The following TGFA variants were observed in gnomAD, a reference collection of about 807,000 sequenced individuals.
The protein encoded by TGFA is protransforming growth factor alpha.
Under a neutral mutation model 21.7 loss-of-function variants are expected in TGFA, and 12 were observed. The observed-to-expected ratio is 0.55, with a 90% CI of 0.35 to 0.90. The LOEUF is 0.90. Among genes scored for constraint, TGFA ranks in the 40% least tolerant of loss-of-function variants. The pLI is 0.01. For synonymous variants in TGFA, 79 were observed against 88.1 expected (o/e 0.90, Z 0.58); for missense variants, 178 against 210.8 (o/e 0.84, Z 0.96).
intron 2 of TGFA, among the ~76,000 whole-genome samples, chr2:70,508,396 G>T (rs1428743727): frequency 1.3e-5 from 2 of 152,200 alleles, no homozygotes; most frequent in Non-Finnish European, 2.9e-5. Context: ...AGTGAGCCAA[G>T]ATTGCACCAT....
At position 70,553,790 on chromosome 2, in the gene TGFA, G is replaced by A. The variant is rs1553507237; in HGVS notation, c.-23C>T. 1.6e-6 allele frequency: 2 copies of A among 1,271,046 alleles called. No individual in the cohort carries two copies. Among genetic ancestry groups the A allele is most frequent in the Non-Finnish European group, 2.0e-6 (2 of 1,001,646 alleles). The allele number at this position is 1,271,046 out of a possible 1,614,324, so 78.7% of individuals were successfully genotyped here. A position where few individuals can be genotyped will look rare whatever the true frequency, so the allele number is the denominator to read the frequency against. On this transcript the variant is annotated 5_prime_UTR_variant, in exon 1 of 6. Transcript: ENST00000295400. Reference sequence around the variant, plus strand: ...CATTTTACGGGCGGGCGGGCAGCAGGCTCTCCAGCCTCCTGCCCTACCTGC... The same window carrying A: ...CATTTTACGGGCGGGCGGGCAGCAGACTCTCCAGCCTCCTGCCCTACCTGC...
chr2:70,511,796 G>A (rs1553500958), intron 2 of TGFA, among the ~76,000 whole-genome samples: 3 of 152,052 alleles, frequency 2.0e-5, no homozygotes, highest in Admixed American at 2.0e-4. Flanking sequence ...GCTGGGTGAT[G>A]GGTATACAGG....
chr2:70,479,901 G>A (rs1671059206), intron 2 of TGFA, among the ~76,000 whole-genome samples: 1 of 152,204 alleles, frequency 6.6e-6, no homozygotes, highest in East Asian at 1.9e-4. Flanking sequence ...AGAGGCATTA[G>A]TTGAAATTCC....
chr2:70,452,852 A>G (rs913541929), intron 5 of TGFA, among the ~76,000 whole-genome samples: 29 of 152,178 alleles, frequency 1.9e-4, no homozygotes, highest in African/African-American at 6.5e-4. Flanking sequence ...CTGAGGCAGG[A>G]GAATCACTTG....
chr2:70,486,257 C>A (rs1175514996), intron 2 of TGFA, among the ~76,000 whole-genome samples: 1 of 152,172 alleles, frequency 6.6e-6, no homozygotes, highest in East Asian at 1.9e-4. Flanking sequence ...TCCACAGTGG[C>A]CCTTAAGGGA....
At chr2:70,498,118 A>G (rs1487972332) in intron 2 of TGFA, among the ~76,000 whole-genome samples, 2 of 151,352 alleles carry the variant, frequency 1.3e-5, no homozygotes, top group East Asian at 3.9e-4. Flanking sequence ...CTCAGAATCC[A>G]CAGGAAACAG....
chr2:70,456,117 AC>A (rs1171419917), intron 4 of TGFA, among the ~76,000 whole-genome samples: 4 of 151,228 alleles, frequency 2.6e-5, no homozygotes, highest in Admixed American at 2.6e-4. Flanking sequence ...CAGTGCACCA[AC>A]CCCCCAGCTG....
intron 1 of TGFA, among the ~76,000 whole-genome samples, chr2:70,529,422 T>C (rs1192505419): frequency 6.6e-6 from 1 of 152,156 alleles, no homozygotes; most frequent in Non-Finnish European, 1.5e-5. Flanking sequence ...CTCCAACAAA[T>C]AACACAGACA....
intron 2 of TGFA, among the ~76,000 whole-genome samples, chr2:70,507,575 T>C (rs1233049200): frequency 6.6e-6 from 1 of 152,238 alleles, no homozygotes; most frequent in Non-Finnish European, 1.5e-5. Context: ...TTCACTCTAC[T>C]GGATAATAAC....
chr2:70,469,878 C>T (rs1405342900), intron 2 of TGFA, among the ~76,000 whole-genome samples: 4 of 152,204 alleles, frequency 2.6e-5, no homozygotes, highest in East Asian at 1.9e-4. Context: ...TGTTTTGGAA[C>T]ACTTCTCTAA....
chr2:70,485,057 G>A (rs1671228434), intron 2 of TGFA, among the ~76,000 whole-genome samples: 1 of 152,118 alleles, frequency 6.6e-6, no homozygotes, highest in African/African-American at 2.4e-5. Context: ...AAGCCCACAG[G>A]CAGAAACTGA....
At chr2:70,462,853 T>C (rs1553491615) in intron 3 of TGFA, among the ~76,000 whole-genome samples, 1 of 151,936 alleles carries the variant, frequency 6.6e-6, no homozygotes, top group Non-Finnish European at 1.5e-5. Flanking sequence ...CAAATGCGAG[T>C]GTGTCTCAGC....
At chr2:70,475,490 A>G (rs1476506396) in intron 2 of TGFA, among the ~76,000 whole-genome samples, 1 of 152,074 alleles carries the variant, frequency 6.6e-6, no homozygotes, top group Non-Finnish European at 1.5e-5. Flanking sequence ...CCTTTCTAAT[A>G]CAGCACACTG....
At chr2:70,492,314 G>A (rs1186119669) in intron 2 of TGFA, among the ~76,000 whole-genome samples, 1 of 152,190 alleles carries the variant, frequency 6.6e-6, no homozygotes, top group Non-Finnish European at 1.5e-5. Flanking sequence ...GTGGAGCCCA[G>A]AGGAGAGGAC....
intron 1 of TGFA, among the ~76,000 whole-genome samples, chr2:70,525,863 G>T (rs1191813010): frequency 2.0e-5 from 3 of 152,132 alleles, no homozygotes; most frequent in Non-Finnish European, 4.4e-5. Flanking sequence ...GGGCACTACT[G>T]GTACTTAATG....
At chr2:70,468,223 C>T (rs782455943) in intron 2 of TGFA, 1 of 152,216 alleles carries the variant, frequency 6.6e-6, no homozygotes, top group Admixed American at 6.5e-5. Flanking sequence ...CCCCTTTAGC[C>T]CTTAATGACA....
At chr2:70,451,430 G>A (rs1168588272) in intron 5 of TGFA, among the ~76,000 whole-genome samples, 1 of 152,152 alleles carries the variant, frequency 6.6e-6, no homozygotes, top group Admixed American at 6.5e-5. Flanking sequence ...GAGTACCACT[G>A]GTTCACCCAT....
chr2:70,507,299 C>T (rs1194977760), intron 2 of TGFA, among the ~76,000 whole-genome samples: 2 of 152,224 alleles, frequency 1.3e-5, no homozygotes, highest in Admixed American at 6.5e-5. Flanking sequence ...CAGGAAAGCA[C>T]AATGCAAATG....
At chr2:70,553,621 C>T in intron 1 of TGFA, 107 bp downstream of exon 1, 1 of 1,311,708 alleles carries the variant, frequency 7.6e-7, no homozygotes, top group South Asian at 2.3e-5. Context: ...TCGCTTCTCT[C>T]CACTCTCCCA....
Sources: gnomAD v4.1 joint callset for allele counts (sites outside exome capture counted in the v4.1 genomes callset) on GRCh38, gnomAD v4.1.1 for gene constraint, MANE v1.5 for transcripts, NCBI Gene and HGNC (gene_info 2026-07-23, HGNC 2026-07-21) for gene names.